SORCS1: variants seen among roughly 807,000 people sequenced by gnomAD.
SORCS1 encodes VPS10 domain-containing receptor SorCS1.
Under a neutral mutation model 146.1 loss-of-function variants are expected in SORCS1, and 60 were observed. The ratio of observed to expected loss-of-function variants is 0.41; its 90% CI spans 0.33 to 0.51. SORCS1 has a LOEUF of 0.51. Ranked by LOEUF, SORCS1 falls within the 20% of genes least tolerant of loss-of-function variation. SORCS1 has a pLI of 0.21. For missense variants in SORCS1, 1,352 were observed against 1,487.6 expected, an observed-to-expected ratio of 0.91 and a Z score of 1.50; for synonymous variants, 637 against 584.0, an observed-to-expected ratio of 1.09 and a Z score of -1.31.
chr10:106,857,920 T>A (rs1949855953), intron 2 of SORCS1, among the ~76,000 whole-genome samples: 1 of 152,240 alleles, frequency 6.6e-6, no homozygotes, highest in African/African-American at 2.4e-5. Context: ...TGTCTCCTGC[T>A]TTCTAAGGAA....
chr10:106,666,899 T>A (rs1004149229), intron 17 of SORCS1, among the ~76,000 whole-genome samples: 1 of 152,108 alleles, frequency 6.6e-6, no homozygotes, highest in South Asian at 2.1e-4. Flanking sequence ...TAAATATACA[T>A]CCTATTGGTT....
Position 106,699,443 on chromosome 10 carries a change from A to T in SORCS1, c.1234-50T>A, listed in dbSNP as rs369728069. 5.3e-6 allele frequency: 8 copies of T among 1,507,848 alleles called. No homozygotes were observed. In the East Asian group the frequency reaches 1.2e-4, roughly 22 times the overall value. 93.4% of individuals were successfully genotyped at this position (1,507,848 alleles called of 1,614,324 possible). On this transcript the variant is annotated intron_variant, in intron 8 of 25. Coordinates refer to ENST00000263054, the MANE Select transcript of SORCS1 (RefSeq NM_052918.5). The stretch of plus-strand genomic sequence containing the variant: ...AGAGGGAAAAAGAGTTTTATACATT[A>T]ACCTGGCAGGCATCCAAAGAGTGTG...
At chr10:107,055,229 T>C (rs1960495840) in intron 1 of SORCS1, among the ~76,000 whole-genome samples, 1 of 152,192 alleles carries the variant, frequency 6.6e-6, no homozygotes, top group Non-Finnish European at 1.5e-5. Flanking sequence ...CTTTTATCCC[T>C]GTTACTTTCC....
rs141037049 is a variant in SORCS1, at chr10:106,826,892, T to C, written c.726+2682A>G. ...TAGTCATGCACAGGGACTTCTCTTT[T>C]TGTAGAACTAGGGTGTGTCAAGTCT... On this transcript the variant is annotated intron_variant, in intron 3 of 25. Transcript: ENST00000263054. 1.2e-4 allele frequency among the ~76,000 whole-genome samples: 18 copies of C among 152,300 alleles called. No individual in the cohort carries two copies. The East Asian group carries it at 1.7e-3, about 15-fold the overall frequency.
intron 1 of SORCS1, among the ~76,000 whole-genome samples, chr10:106,996,184 G>A (rs144914413): frequency 0.011 from 1,564 of 146,288 alleles, 23 homozygotes; most frequent in African/African-American, 0.038. Flanking sequence ...CCAAGACTGC[G>A]CCACTGTACT....
At chr10:106,764,965 G>A (rs1305526371) in intron 4 of SORCS1, among the ~76,000 whole-genome samples, 2 of 144,834 alleles carry the variant, frequency 1.4e-5, no homozygotes, top group African/African-American at 5.2e-5. Flanking sequence ...GGAGCTTGCA[G>A]TGAGCCGAGA....
chr10:107,163,793 G>T (rs905655878), intron 1 of SORCS1, among the ~76,000 whole-genome samples, 176 bp downstream of exon 1: 1 of 152,186 alleles, frequency 6.6e-6, no homozygotes, highest in Non-Finnish European at 1.5e-5. Context: ...GGAGAGATGG[G>T]GAGGTTGGTC....
At chr10:107,004,175 C>CAA (rs1190654041) in intron 1 of SORCS1, among the ~76,000 whole-genome samples, 993 of 48,794 alleles carry the variant, frequency 0.02, 60 homozygotes, top group African/African-American at 0.055. Flanking sequence ...GATCCCATCT[C>CAA]AAAAAAAAAA....
intron 9 of SORCS1, among the ~76,000 whole-genome samples, chr10:106,691,025 G>A (rs76480126): frequency 0.027 from 4,054 of 152,262 alleles, 72 homozygotes; most frequent in Non-Finnish European, 0.04. Flanking sequence ...CCCAAATGTG[G>A]AATGTGTGTG....
chr10:107,113,417 G>A (rs552393116), intron 1 of SORCS1, among the ~76,000 whole-genome samples: 13 of 152,132 alleles, frequency 8.5e-5, no homozygotes, highest in South Asian at 8.3e-4. Flanking sequence ...GGCCAGGCGC[G>A]GTGCCTTGCA....
intron 1 of SORCS1, among the ~76,000 whole-genome samples, chr10:107,062,096 C>G (rs765854080): frequency 2.0e-5 from 3 of 152,142 alleles, no homozygotes; most frequent in Non-Finnish European, 4.4e-5. Context: ...AAGAAATTCA[C>G]TGATCTATCC....
At chr10:106,893,109 G>T (rs1033128366) in intron 2 of SORCS1, among the ~76,000 whole-genome samples, 2 of 151,664 alleles carry the variant, frequency 1.3e-5, no homozygotes, top group Non-Finnish European at 2.9e-5. Context: ...CACCATGTTG[G>T]CCAGGCTGGT....
intron 7 of SORCS1, among the ~76,000 whole-genome samples, chr10:106,707,504 T>C (rs1854618065): frequency 6.6e-6 from 1 of 152,052 alleles, no homozygotes; most frequent in Non-Finnish European, 1.5e-5. Context: ...CCCAGCCTTT[T>C]TGAAAAAATT....
At chr10:106,891,314 A>C (rs1482529887) in intron 2 of SORCS1, among the ~76,000 whole-genome samples, 1 of 152,030 alleles carries the variant, frequency 6.6e-6, no homozygotes, top group African/African-American at 2.4e-5. Context: ...AGAAATCTGA[A>C]GAAAAAGTAT....
Position 106,960,680 on chromosome 10 carries a change from C to A in SORCS1, c.559-4100G>T, listed in dbSNP as rs571532632. Among the ~76,000 whole-genome samples the A allele has an allele frequency of 2.0e-5, 3 of 152,268 alleles. No individual in the cohort carries two copies. The South Asian group carries it at 6.2e-4, about 32-fold the overall frequency. On this transcript the variant is annotated intron_variant, in intron 1 of 25. Coordinates refer to ENST00000263054, the MANE Select transcript of SORCS1 (RefSeq NM_052918.5). The surrounding 1 kb of genome is among the most constrained non-coding windows in gnomAD (Gnocchi z 4.4). ...CCTCCCAAAGTGCTGGGATTACAGG[C>A]GTGAGCCACTGCGCCCAGCCAGTCC...
Position 107,032,310 on chromosome 10 carries a change from T to G in SORCS1, c.559-75730A>C, listed in dbSNP as rs77911234. 6.0e-3 allele frequency among the ~76,000 whole-genome samples: 912 copies of G among 152,360 alleles called. 3 individuals are homozygous for G. The highest frequency in any genetic ancestry group is 9.6e-3 in the Non-Finnish European group (650 of 68,036). On this transcript the variant is annotated intron_variant, in intron 1 of 25. Coordinates refer to ENST00000263054, the MANE Select transcript of SORCS1 (RefSeq NM_052918.5). ...ATTACATTTATAAAGAGGCATGGCA[T>G]GGATCAAAAGCCTTGAGGGCTGAAA... is the stretch of plus-strand genomic sequence containing the variant.
chr10:106,844,059 G>A (rs1459347407), intron 2 of SORCS1, among the ~76,000 whole-genome samples: 1 of 152,088 alleles, frequency 6.6e-6, no homozygotes, highest in Non-Finnish European at 1.5e-5. Flanking sequence ...GTTATCTTTT[G>A]ATATTTTGAT....
chr10:107,085,938 CCAAA>C (rs1963725004), intron 1 of SORCS1, among the ~76,000 whole-genome samples: 1 of 152,182 alleles, frequency 6.6e-6, no homozygotes, highest in Admixed American at 6.5e-5. Context: ...TTCCCCACTA[CCAAA>C]CAAATTTCCA....
intron 23 of SORCS1, among the ~76,000 whole-genome samples, chr10:106,598,256 A>ATTG (rs1465815949): frequency 6.8e-6 from 1 of 147,552 alleles, no homozygotes; most frequent in Non-Finnish European, 1.5e-5. Flanking sequence ...TATTATTATT[A>ATTG]TTATTATTAT....
Sources: allele counts gnomAD v4.1 joint callset (sites outside exome capture counted in the v4.1 genomes callset), GRCh38; gene constraint gnomAD v4.1.1; non-coding constraint Gnocchi (gnomAD v3.1); transcripts MANE v1.5; gene names NCBI Gene and HGNC (gene_info 2026-07-23, HGNC 2026-07-21).